IL1F10: variants seen among roughly 807,000 people sequenced by gnomAD.
The protein encoded by IL1F10 is interleukin-1 family member 10.
A neutral mutation model predicts 13.1 loss-of-function variants in IL1F10; 13 were observed. The observed-to-expected ratio is 0.99, with a 90% CI of 0.64 to 1.57. The LOEUF (loss-of-function observed/expected upper bound fraction) is 1.57, where lower values mean the gene tolerates loss of function less well. Ranked by LOEUF, IL1F10 falls within the 40% of genes most tolerant of loss-of-function variation. The probability of loss-of-function intolerance (pLI) is 0.00; values close to 1 mark genes in which losing one functional copy is unlikely to be tolerated. For missense variants in IL1F10, 191 were observed against 184.1 expected (o/e 1.04, Z -0.22); for synonymous variants, 78 against 68.2 (o/e 1.14, Z -0.71).
At chr2:113,072,505 C>G (rs1417329435) in intron 1 of IL1F10, 7 of 519,096 alleles carry the variant, frequency 1.3e-5, no homozygotes, top group South Asian at 7.4e-5. Flanking sequence ...TGGACTTGCT[C>G]CCGGATAGCC....
intron 1 of IL1F10, 80 bp from the exon 2 acceptor site, chr2:113,072,631 A>G (rs1441052212): frequency 1.1e-5 from 10 of 925,436 alleles, no homozygotes; most frequent in South Asian, 7.5e-5. Context: ...CCCTTGGCTG[A>G]GTGGTTCTAA....
At chr2:113,070,522 C>T (rs1867834) in intron 1 of IL1F10, among the ~76,000 whole-genome samples, 52,395 of 151,970 alleles carry the variant, frequency 0.34, 10,808 homozygotes, top group South Asian at 0.58. Flanking sequence ...TGTTGCCCCA[C>T]CTAGATCTGG....
chr2:113,068,642 T>G (rs1326243521), intron 1 of IL1F10, among the ~76,000 whole-genome samples: 1 of 152,212 alleles, frequency 6.6e-6, no homozygotes, highest in African/African-American at 2.4e-5. Context: ...ATTCAAAGTC[T>G]GCTCTGTGTG....
chr2:113,071,970 A>C (rs1222743897), intron 1 of IL1F10, among the ~76,000 whole-genome samples: 2 of 152,134 alleles, frequency 1.3e-5, no homozygotes, highest in African/African-American at 4.8e-5. Flanking sequence ...TGGCCTTTCC[A>C]ATGGGTGTTC....
chr2:113,074,507 C>A, intron 3 of IL1F10, 93 bp downstream of exon 3: 1 of 1,138,634 alleles, frequency 8.8e-7, no homozygotes, highest in Non-Finnish European at 1.3e-6. Context: ...TCAGCAGCTG[C>A]CCCCAGTGAC....
intron 1 of IL1F10, among the ~76,000 whole-genome samples, chr2:113,072,022 G>A (rs771439832): frequency 2.0e-5 from 3 of 152,214 alleles, no homozygotes; most frequent in Admixed American, 1.3e-4. Flanking sequence ...CCATCGGGAA[G>A]GAGCAGAGTC....
chr2:113,074,607 C>A, intron 3 of IL1F10, 116 bp from the exon 4 acceptor site: 1 of 1,348,242 alleles, frequency 7.4e-7, no homozygotes, highest in Non-Finnish European at 1.1e-6. Flanking sequence ...AGTCTGCATG[C>A]AGGGCCAGGC....
intron 1 of IL1F10, 132 bp downstream of exon 1, chr2:113,068,148 A>G (rs1488438951): frequency 1.3e-5 from 2 of 152,240 alleles, no homozygotes; most frequent in Non-Finnish European, 1.5e-5. Context: ...TAGTCCCCTC[A>G]TATGACATGA....
At chr2:113,070,278 T>A (rs981007917) in intron 1 of IL1F10, among the ~76,000 whole-genome samples, 105 of 152,148 alleles carry the variant, frequency 6.9e-4, no homozygotes, top group African/African-American at 2.5e-3. Flanking sequence ...GCTAGCTTCC[T>A]ACCCTTACTC....
chr2:113,070,991 G>C (rs780979204), intron 1 of IL1F10, among the ~76,000 whole-genome samples: 10 of 152,160 alleles, frequency 6.6e-5, no homozygotes, highest in Non-Finnish European at 1.3e-4. Context: ...AGGAGCCAAT[G>C]ACTTTAACTG....
intron 2 of IL1F10, among the ~76,000 whole-genome samples, 161 bp downstream of exon 2, chr2:113,072,931 G>A (rs1685865875): frequency 6.6e-6 from 1 of 152,188 alleles, no homozygotes; most frequent in Non-Finnish European, 1.5e-5. Context: ...GCTCTTTCCT[G>A]AACGTCTGCA....
intron 4 of IL1F10, 56 bp downstream of exon 4, chr2:113,074,906 A>T: frequency 6.3e-7 from 1 of 1,578,436 alleles, no homozygotes; most frequent in Non-Finnish European, 8.6e-7. Flanking sequence ...GACCCCTGGG[A>T]TGCTCTGGCA....
At chr2:113,070,650 A>G (rs1280841076) in intron 1 of IL1F10, among the ~76,000 whole-genome samples, 5 of 152,206 alleles carry the variant, frequency 3.3e-5, no homozygotes, top group African/African-American at 1.2e-4. Flanking sequence ...CTGTTGAGTT[A>G]TCTGTACTGG....
At chr2:113,073,483 T>C (rs754634543) in intron 2 of IL1F10, among the ~76,000 whole-genome samples, 10 of 152,076 alleles carry the variant, frequency 6.6e-5, no homozygotes, top group Non-Finnish European at 1.3e-4. Context: ...AGGAAGCACA[T>C]AAATGACAAA....
intron 3 of IL1F10, 66 bp from the exon 4 acceptor site, chr2:113,074,657 T>C (rs1573249179): frequency 6.3e-7 from 1 of 1,595,828 alleles, no homozygotes; most frequent in South Asian, 1.1e-5. Context: ...CCTGAGCCTT[T>C]ACCTGCCAAG....
At position 113,074,578 on chromosome 2, in the gene IL1F10, A is replaced by C. The variant is rs564908822; in HGVS notation, c.119-145A>C. On this transcript the variant is annotated intron_variant, in intron 3 of 4. Transcript: ENST00000341010. The stretch of plus-strand genomic sequence containing the variant: ...TAGCGAGGGGACATGACTCCTGCAG[A>C]AGTCCTGGCTCACCGTCCAGTCTGC... 50 of 1,158,782 alleles carry C rather than the reference A, an allele frequency of 4.3e-5. No individual in the cohort carries two copies. In the South Asian group the frequency reaches 5.9e-4, roughly 14 times the overall value. The allele number at this position is 1,158,782 out of a possible 1,614,324, so 71.8% of individuals were successfully genotyped here.
chr2:113,068,470 CA>C (rs1685782172), intron 1 of IL1F10, among the ~76,000 whole-genome samples: 1 of 151,800 alleles, frequency 6.6e-6, no homozygotes, highest in African/African-American at 2.4e-5. Flanking sequence ...ATCCTTTTTA[CA>C]ATCATTAGAA....
Position 113,075,721 on chromosome 2 carries a change from G to A in IL1F10, c.*357G>A, listed in dbSNP as rs775112257. ...TAGAAGGTGGAAAAGCCAAGGGAAC[G>A]GATTCTCCTCTAGAGTCTCCGGAAG... On this transcript the variant is annotated 3_prime_UTR_variant, in exon 5 of 5. Coordinates refer to ENST00000341010, the MANE Select transcript of IL1F10 (RefSeq NM_173161.3). 2.0e-4 allele frequency: 33 copies of A among 164,442 alleles called. No homozygotes were observed. Among genetic ancestry groups the A allele is most frequent in the Admixed American group, 1.9e-4 (3 of 15,884 alleles). 10.2% of individuals were successfully genotyped at this position (164,442 alleles called of 1,614,324 possible).
chr2:113,070,921 G>A (rs1021235743), intron 1 of IL1F10, among the ~76,000 whole-genome samples: 1 of 152,152 alleles, frequency 6.6e-6, no homozygotes, highest in Admixed American at 6.5e-5. Context: ...TAGAACCTTC[G>A]GCCCAGGAAA....
Sources: allele counts gnomAD v4.1 joint callset (sites outside exome capture counted in the v4.1 genomes callset), GRCh38; gene constraint gnomAD v4.1.1; transcripts MANE v1.5; gene names NCBI Gene and HGNC (gene_info 2026-07-23, HGNC 2026-07-21).